The following MTMR9 variants were observed in gnomAD, a reference collection of about 807,000 sequenced individuals.
MTMR9 encodes the protein myotubularin related protein 9.
In MTMR9, 39 loss-of-function variants were observed where a neutral mutation model predicts 69.5. The ratio of observed to expected loss-of-function variants is 0.56; its 90% CI spans 0.43 to 0.73. The LOEUF is 0.73. MTMR9 is among the 30% of genes least tolerant of loss of function. The pLI is 0.00. For missense variants in MTMR9, 900 were observed against 671.2 expected (o/e 1.34, Z -3.77); for synonymous variants, 354 against 240.8 (o/e 1.47, Z -4.35).
rs1800355438 is a variant in MTMR9 at position 11,314,996 on chromosome 8, A to G, written c.1045A>G (p.Ile349Val). 1.9e-6 allele frequency: 3 copies of G among 1,614,050 alleles called. No homozygotes were observed. The highest frequency in any genetic ancestry group is 2.5e-6 in the Non-Finnish European group (3 of 1,179,934). ...ACTCCAGGTGACCTCCTTGGCCCAG[A>G]TCATCTTAGAGCCAAGAAGCAGGAC... Reference protein sequence around the residue: ...STLQVTSLAQIILEPRSRTIR... With the variant: ...STLQVTSLAQVILEPRSRTIR... Residue 349 changes from isoleucine to valine, a missense_variant, in exon 7 of 10, where the codon ATC becomes GTC. Coordinates refer to ENST00000221086, the MANE Select transcript of MTMR9 (RefSeq NM_015458.4).
In MTMR9 at chr8:11,298,728, C is replaced by CT. The variant is rs969548745; in HGVS notation, c.292-1295_292-1294insT. On this transcript the variant is annotated intron_variant, in intron 2 of 9. Transcript: ENST00000221086. ...TATCCTTTCCCCGCTGCACCCCCCC[C>CT]CCGCCATCCAGTATAGAAATACTTT... The CT allele has an allele frequency of 2.1e-5, 19 of 924,766 alleles. No homozygotes were observed. The East Asian group carries it at 1.2e-3, about 60-fold the overall frequency. The allele number at this position is 924,766 out of a possible 1,614,324, so 57.3% of individuals were successfully genotyped here.
chr8:11,332,259 C>T (rs1464208511), downstream of MTMR9: 2 of 1,345,638 alleles, frequency 1.5e-6, no homozygotes, highest in Non-Finnish European at 2.0e-6. Flanking sequence ...TTCCATAGCA[C>T]ATTATAATAT....
chr8:11,305,042 T>A (rs371116380), intron 4 of MTMR9, 28 bp downstream of exon 4: 3 of 1,601,922 alleles, frequency 1.9e-6, no homozygotes, highest in Non-Finnish European at 1.7e-6. Context: ...CTGCTTGATG[T>A]ACTGAAAGGC....
At chr8:11,313,392 A>G (rs986101695) in intron 6 of MTMR9, among the ~76,000 whole-genome samples, 1 of 152,330 alleles carries the variant, frequency 6.6e-6, no homozygotes, top group South Asian at 2.1e-4. Context: ...TGTATCATTT[A>G]TGTGTTCGCT....
At chr8:11,334,659 C>T in the MTMR9 span, among the ~76,000 whole-genome samples, 1 of 152,020 alleles carries the variant, frequency 6.6e-6, no homozygotes, top group Non-Finnish European at 1.5e-5. Context: ...AGCAGAAGTC[C>T]TTATCAGTGA....
Position 11,309,596 on chromosome 8 carries a change from C to G in MTMR9, c.879C>G (p.Asp293Glu), listed in dbSNP as rs149393678. Residue 293 changes from aspartate to glutamate, a missense_variant, in exon 6 of 10, where the codon GAC becomes GAG. Coordinates refer to ENST00000221086, the MANE Select transcript of MTMR9 (RefSeq NM_015458.4). ...GTAATGACCAAACACATAACATGGA[C>G]CGATGGCTCAGTAAATTGGAGGCCT... ...EACNDQTHNM[D>E]RWLSKLEASN... 3.7e-6 allele frequency: 6 copies of G among 1,613,786 alleles called. No homozygotes were observed. In the African/African-American group the frequency reaches 6.7e-5, roughly 18 times the overall value.
chr8:11,311,881 C>CTT lies in MTMR9; in HGVS notation c.971+2207_971+2208dup, dbSNP rs35158873. Among the ~76,000 whole-genome samples the CTT allele has an allele frequency of 4.0e-3, 576 of 144,916 alleles. 4 individuals carry two copies. Among genetic ancestry groups the CTT allele is most frequent in the South Asian group, 0.02 (91 of 4,514 alleles). Reference sequence around the variant, plus strand: ...CCTAAGTTGATGTGGTATTCTAAATCTTTTTTTTTTTTTTTGTCATTTCAA... The same window carrying CTT: ...CCTAAGTTGATGTGGTATTCTAAATCTTTTTTTTTTTTTTTTTGTCATTTCAA... On this transcript the variant is annotated intron_variant, in intron 6 of 9. Coordinates refer to ENST00000221086, the MANE Select transcript of MTMR9 (RefSeq NM_015458.4).
downstream of MTMR9, among the ~76,000 whole-genome samples, chr8:11,329,916 C>A (rs1205865164): frequency 6.6e-6 from 1 of 152,022 alleles, no homozygotes; most frequent in Non-Finnish European, 1.5e-5. Context: ...GGGAGCGCCT[C>A]TGCCCGGCTG....
intron 2 of MTMR9, 56 bp downstream of exon 2, chr8:11,295,358 G>A (rs1409362926): frequency 6.1e-6 from 6 of 976,978 alleles, no homozygotes; most frequent in Non-Finnish European, 9.7e-6. Context: ...ATGACTCAGT[G>A]TAGCTCTTCC....
At chr8:11,300,270 TA>T in intron 3 of MTMR9, 122 bp downstream of exon 3, 2 of 1,068,196 alleles carry the variant, frequency 1.9e-6, no homozygotes, top group Non-Finnish European at 2.7e-6. Context: ...TTCCTAATCT[TA>T]ATATATTTAA....
chr8:11,331,097 C>G (rs750787103), downstream of MTMR9: 10 of 1,583,048 alleles, frequency 6.3e-6, no homozygotes, highest in Middle Eastern at 1.8e-4. Context: ...AGGAGAAAGT[C>G]CAAGGAAAGA....
intron 1 of MTMR9, among the ~76,000 whole-genome samples, chr8:11,289,739 A>T (rs1045328062): frequency 1.3e-5 from 2 of 152,224 alleles, no homozygotes; most frequent in African/African-American, 2.4e-5. Flanking sequence ...AACTGGGATT[A>T]TGTTGTAGAT....
the MTMR9 span, among the ~76,000 whole-genome samples, chr8:11,339,140 C>A: frequency 3.9e-5 from 6 of 152,178 alleles, no homozygotes; most frequent in Admixed American, 1.3e-4. Context: ...CTTTTTAATT[C>A]ATCAGTCTGA....
intron 1 of MTMR9, among the ~76,000 whole-genome samples, chr8:11,289,463 T>G (rs1167457626): frequency 6.6e-6 from 1 of 152,206 alleles, no homozygotes; most frequent in East Asian, 1.9e-4. Context: ...CAAGGTTGTA[T>G]ACAAGTTTTA....
chr8:11,292,713 A>G (rs1013840323), intron 1 of MTMR9, among the ~76,000 whole-genome samples: 18 of 152,090 alleles, frequency 1.2e-4, no homozygotes, highest in African/African-American at 4.1e-4. Context: ...GCGTTTTGAG[A>G]GTGTATGTTT....
chr8:11,299,272 G>A (rs761883574), intron 2 of MTMR9, among the ~76,000 whole-genome samples: 9 of 152,216 alleles, frequency 5.9e-5, no homozygotes, highest in Non-Finnish European at 1.2e-4. Context: ...GGAGGCTGCA[G>A]TGAGCCGAGA....
chr8:11,306,029 A>G (rs765097480), intron 4 of MTMR9, among the ~76,000 whole-genome samples, 161 bp from the exon 5 acceptor site: 1 of 152,224 alleles, frequency 6.6e-6, no homozygotes, highest in Non-Finnish European at 1.5e-5. Context: ...GTTATTAACT[A>G]TTGTCAATAC....
Position 11,309,705 on chromosome 8 carries a change from C to T in MTMR9, c.971+17C>T, listed in dbSNP as rs780897804. On this transcript the variant is annotated intron_variant, in intron 6 of 9. Transcript: ENST00000221086. ...CATCGACAGGTAAAGTGCATTTCAG[C>T]GTTCCTGAGCGAAACATGGCGCTGC... The T allele has an allele frequency of 2.7e-5, 43 of 1,610,466 alleles. No individual in the cohort carries two copies. The Admixed American group carries it at 3.9e-4, about 15-fold the overall frequency.
rs765116351 is a variant in MTMR9, at chr8:11,300,059, C to A, written c.328C>A (p.Pro110Thr). Residue 110 changes from proline (P) to threonine (T), a missense_variant, in exon 3 of 10, where the codon CCT becomes ACT. Physicochemically the swap from Pro to Thr is conservative, Grantham distance 38. Transcript: ENST00000221086. ...STLDSITLMYPFFYRPMFEVI... is the reference protein window; with the variant it reads ...STLDSITLMYTFFYRPMFEVI... ...TCTGGACTCCATCACTCTGATGTAC[C>A]CTTTCTTTTACCGTCCTATGTTTGA... 3.1e-6 allele frequency: 5 copies of A among 1,613,362 alleles called. No individual in the cohort carries two copies. Among genetic ancestry groups the A allele is most frequent in the South Asian group, 1.1e-5 (1 of 91,072 alleles).
Sources: allele counts gnomAD v4.1 joint callset (sites outside exome capture counted in the v4.1 genomes callset), GRCh38; gene constraint gnomAD v4.1.1; transcripts MANE v1.5; gene names NCBI Gene and HGNC (gene_info 2026-07-23, HGNC 2026-07-21).